The following LUZP2 variants were observed in gnomAD, a reference collection of about 807,000 sequenced individuals.
LUZP2 encodes leucine zipper protein 2.
A neutral mutation model predicts 51.6 loss-of-function variants in LUZP2; 52 were observed. That is an observed-to-expected ratio of 1.01 (90% CI 0.81 to 1.27). The LOEUF is 1.27. Among genes scored for constraint, LUZP2 ranks in the 50% most tolerant of loss-of-function variants. The pLI is 0.00. For synonymous variants in LUZP2, 154 were observed against 137.3 expected (o/e 1.12, Z -0.85); for missense variants, 436 against 395.4 (o/e 1.10, Z -0.87).
At chr11:24,657,454 A>C (rs892051836) in intron 1 of LUZP2, among the ~76,000 whole-genome samples, 17 of 152,188 alleles carry the variant, frequency 1.1e-4, no homozygotes, top group Admixed American at 1.1e-3. Context: ...ATCTATGACA[A>C]ACTCACAGCC....
intron 1 of LUZP2, among the ~76,000 whole-genome samples, chr11:24,642,859 C>T (rs2133947979): frequency 6.6e-6 from 1 of 152,060 alleles, no homozygotes; most frequent in South Asian, 2.1e-4. Context: ...CTGGATAAAT[C>T]AACTTGACAA....
chr11:24,597,823 G>A (rs1296397954), intron 1 of LUZP2, among the ~76,000 whole-genome samples: 2 of 152,072 alleles, frequency 1.3e-5, no homozygotes, highest in East Asian at 1.9e-4. Flanking sequence ...CTCATCACCA[G>A]CCACCATGGC....
intron 4 of LUZP2, among the ~76,000 whole-genome samples, chr11:24,752,284 A>T (rs1299836803): frequency 6.6e-6 from 1 of 152,202 alleles, no homozygotes; most frequent in Non-Finnish European, 1.5e-5. Flanking sequence ...TAGATATCAG[A>T]CTTCTTAAGA....
chr11:24,518,390 C>T (rs1850543900), intron 1 of LUZP2, among the ~76,000 whole-genome samples: 1 of 151,792 alleles, frequency 6.6e-6, no homozygotes, highest in Non-Finnish European at 1.5e-5. Context: ...GCCTATTTTC[C>T]CCTTGTAACA....
intron 7 of LUZP2, among the ~76,000 whole-genome samples, chr11:24,924,841 C>A (rs1590737555): frequency 6.6e-6 from 1 of 152,108 alleles, no homozygotes; most frequent in South Asian, 2.1e-4. Context: ...ATCTAAAGAC[C>A]TGGAATCAAC....
intron 1 of LUZP2, among the ~76,000 whole-genome samples, chr11:24,628,030 G>A (rs1408609161): frequency 6.6e-6 from 1 of 152,144 alleles, no homozygotes; most frequent in Non-Finnish European, 1.5e-5. Context: ...TTGGCTCCAT[G>A]TTGAGCTGGT....
intron 1 of LUZP2, among the ~76,000 whole-genome samples, chr11:24,665,199 GAC>G (rs369780252): frequency 7.8e-4 from 119 of 152,246 alleles, no homozygotes; most frequent in Middle Eastern, 3.4e-3. Context: ...AAGATTTAAT[GAC>G]TGCCTTATTG....
At chr11:24,584,606 G>T (rs1452495074) in intron 1 of LUZP2, among the ~76,000 whole-genome samples, 1 of 152,046 alleles carries the variant, frequency 6.6e-6, no homozygotes, top group African/African-American at 2.4e-5. Context: ...CCTAAGATAA[G>T]TTACTAAATG....
At chr11:24,621,359 A>G (rs1420089331) in intron 1 of LUZP2, among the ~76,000 whole-genome samples, 7 of 152,200 alleles carry the variant, frequency 4.6e-5, no homozygotes, top group Non-Finnish European at 8.8e-5. Context: ...TTAAAGCCCT[A>G]TGCTTGCAGC....
rs773860309 is a variant in LUZP2, at chr11:24,497,227, C to A, written c.-17C>A. The A allele has an allele frequency of 6.5e-7, 1 of 1,527,404 alleles. No individual in the cohort carries two copies. Among genetic ancestry groups the A allele is most frequent in the Admixed American group, 1.9e-5 (1 of 51,588 alleles). The allele number at this position is 1,527,404 out of a possible 1,614,324, so 94.6% of individuals were successfully genotyped here. Reference sequence around the variant, plus strand: ...AGAGAAGGCAGCGAGGGAAGGAGGACCCCGGCAGGCAGCAGCATGAAATTC... The same window carrying A: ...AGAGAAGGCAGCGAGGGAAGGAGGAACCCGGCAGGCAGCAGCATGAAATTC... On this transcript the variant is annotated 5_prime_UTR_variant, in exon 1 of 12. Coordinates refer to ENST00000336930, the MANE Select transcript of LUZP2 (RefSeq NM_001009909.4).
intron 7 of LUZP2, among the ~76,000 whole-genome samples, chr11:24,975,060 A>T (rs1415521262): frequency 6.6e-6 from 1 of 152,012 alleles, no homozygotes; most frequent in Non-Finnish European, 1.5e-5. Context: ...GTAAATATTT[A>T]AAATATTAAT....
intron 10 of LUZP2, among the ~76,000 whole-genome samples, chr11:25,055,160 GCCACCATGA>G (rs1009119994): frequency 1.0e-4 from 15 of 148,646 alleles, no homozygotes; most frequent in Admixed American, 8.0e-4. Flanking sequence ...ACAGGTGCCT[GCCACCATGA>G]CCAGCTAATT....
At chr11:24,890,793 A>G (rs544089010) in intron 5 of LUZP2, 177 of 495,478 alleles carry the variant, frequency 3.6e-4, no homozygotes, top group African/African-American at 3.6e-3. Context: ...AAGAAAATAC[A>G]TATGTACATA....
At chr11:24,961,952 A>G (rs1319950538) in intron 7 of LUZP2, among the ~76,000 whole-genome samples, 4 of 151,818 alleles carry the variant, frequency 2.6e-5, no homozygotes, top group South Asian at 4.2e-4. Flanking sequence ...GGTGGTGACA[A>G]AATCTCTCAG....
chr11:25,024,502 AACAG>A (rs1478930127), intron 9 of LUZP2, among the ~76,000 whole-genome samples: 1 of 152,150 alleles, frequency 6.6e-6, no homozygotes, highest in East Asian at 1.9e-4. Flanking sequence ...ATACACCAAT[AACAG>A]ACAAACAGAG....
At chr11:24,607,912 G>A (rs545287670) in intron 1 of LUZP2, among the ~76,000 whole-genome samples, 2 of 151,712 alleles carry the variant, frequency 1.3e-5, no homozygotes, top group South Asian at 4.1e-4. Flanking sequence ...GCAGTGGCGC[G>A]ATCTAGGCTC....
intron 7 of LUZP2, among the ~76,000 whole-genome samples, chr11:24,926,665 A>ATGTG (rs1411197299): frequency 7.8e-6 from 1 of 127,508 alleles, no homozygotes; most frequent in African/African-American, 2.8e-5. Context: ...GTGTATATAT[A>ATGTG]TATGTGTGTG....
chr11:25,025,169 G>A (rs1488369090), intron 9 of LUZP2, among the ~76,000 whole-genome samples: 1 of 152,062 alleles, frequency 6.6e-6, no homozygotes, highest in East Asian at 1.9e-4. Flanking sequence ...AGACTTCAAT[G>A]TTAGACCTAA....
At chr11:24,890,851 A>C (rs1852829503) in intron 5 of LUZP2, 1 of 918,378 alleles carries the variant, frequency 1.1e-6, no homozygotes, top group Admixed American at 6.2e-5. Context: ...ATATAGAAAA[A>C]ATATAAAGCA....
Sources: allele counts gnomAD v4.1 joint callset (sites outside exome capture counted in the v4.1 genomes callset), GRCh38; gene constraint gnomAD v4.1.1; transcripts MANE v1.5; gene names NCBI Gene and HGNC (gene_info 2026-07-23, HGNC 2026-07-21).